The following GRM8 variants were observed in gnomAD, a reference collection of about 807,000 sequenced individuals.
GRM8 encodes metabotropic glutamate receptor 8.
Under a neutral mutation model 87.2 loss-of-function variants are expected in GRM8, and 47 were observed. The observed-to-expected ratio is 0.54, with a 90% CI of 0.43 to 0.69. GRM8 has a LOEUF of 0.69. GRM8 is among the 30% of genes least tolerant of loss of function. The pLI, the probability that GRM8 is intolerant of heterozygous loss-of-function variation, is 0.00. For missense variants in GRM8, 1,019 were observed against 1,139.2 expected, an observed-to-expected ratio of 0.89 and a Z score of 1.52; for synonymous variants, 396 against 404.5, an observed-to-expected ratio of 0.98 and a Z score of 0.25.
intron 9 of GRM8, among the ~76,000 whole-genome samples, chr7:126,507,929 G>T (rs1287903145): frequency 5.9e-5 from 9 of 151,760 alleles, no homozygotes; most frequent in Admixed American, 5.3e-4. Flanking sequence ...TGGGGTCTGG[G>T]TTCTCTCTCT....
chr7:127,008,580 TCAGA>T (rs764167182), intron 3 of GRM8, among the ~76,000 whole-genome samples: 34 of 152,304 alleles, frequency 2.2e-4, no homozygotes, highest in Admixed American at 4.6e-4. Context: ...CAGTGTTTGT[TCAGA>T]CAAACTATTA....
chr7:126,753,165 T>C (rs1343507589), intron 7 of GRM8, among the ~76,000 whole-genome samples: 1 of 152,030 alleles, frequency 6.6e-6, no homozygotes, highest in Non-Finnish European at 1.5e-5. Flanking sequence ...CTAGTCCCAA[T>C]TCCTTGACTA....
At position 127,106,534 on chromosome 7, in the gene GRM8, C is replaced by T; in HGVS notation, c.689G>A (p.Ser230Asn). Reference protein sequence around the residue: ...TLASEGNYGESGVEAFTQISR... With the variant: ...TLASEGNYGENGVEAFTQISR... Reference sequence around the variant, plus strand: ...GATCTGGGTGAAGGCCTCCACACCGCTCTCACCATAGTTCCCCTCAGAAGC... The same window carrying T: ...GATCTGGGTGAAGGCCTCCACACCGTTCTCACCATAGTTCCCCTCAGAAGC... The change falls in exon 3 of 11, where the codon AGC (serine) becomes AAC (asparagine). Residue 230 changes from serine (S) to asparagine (N), a missense_variant. Physicochemically the swap from Ser to Asn is conservative, Grantham distance 46 (BLOSUM62 1). Coordinates refer to ENST00000339582, the MANE Select transcript of GRM8 (RefSeq NM_000845.3). The T allele has an allele frequency of 6.2e-7, 1 of 1,614,064 alleles. No homozygotes were observed. The highest frequency in any genetic ancestry group is 8.5e-7 in the Non-Finnish European group (1 of 1,179,952).
chr7:127,157,877 T>C (rs1792837480), intron 2 of GRM8, among the ~76,000 whole-genome samples: 1 of 152,018 alleles, frequency 6.6e-6, no homozygotes. Flanking sequence ...CCAAAGTGAA[T>C]GCTAAGGGAG....
At chr7:126,924,804 T>C (rs969430490) in intron 3 of GRM8, among the ~76,000 whole-genome samples, 3 of 152,116 alleles carry the variant, frequency 2.0e-5, no homozygotes, top group African/African-American at 7.2e-5. Flanking sequence ...AGAAGTTGAA[T>C]GAGGAAAACG....
At chr7:127,145,292 C>T (rs945050268) in intron 2 of GRM8, among the ~76,000 whole-genome samples, 2 of 152,030 alleles carry the variant, frequency 1.3e-5, no homozygotes, top group African/African-American at 2.4e-5. Flanking sequence ...TAATGTCATT[C>T]GCAAATAAGT....
At chr7:126,708,327 C>CA (rs1563111305) in intron 7 of GRM8, among the ~76,000 whole-genome samples, 1 of 151,780 alleles carries the variant, frequency 6.6e-6, no homozygotes, top group Non-Finnish European at 1.5e-5. Context: ...GGAGGTTTCT[C>CA]AAAAAATTAA....
At chr7:127,142,149 T>A (rs570004550) in intron 2 of GRM8, among the ~76,000 whole-genome samples, 28 of 152,072 alleles carry the variant, frequency 1.8e-4, no homozygotes, top group Non-Finnish European at 2.8e-4. Context: ...AATATTTTTT[T>A]AAAAATTTTG....
intron 8 of GRM8, among the ~76,000 whole-genome samples, chr7:126,563,255 T>G (rs899594595): frequency 1.3e-5 from 2 of 151,962 alleles, no homozygotes; most frequent in Non-Finnish European, 2.9e-5. Context: ...TTAAGTTCTC[T>G]TTTATAATAT....
chr7:126,591,347 C>T (rs770914697), intron 8 of GRM8, among the ~76,000 whole-genome samples: 62 of 152,092 alleles, frequency 4.1e-4, no homozygotes, highest in Non-Finnish European at 7.2e-4. Flanking sequence ...AATATATATA[C>T]ACCTAACACT....
intron 7 of GRM8, among the ~76,000 whole-genome samples, chr7:126,739,023 G>C (rs957766497): frequency 6.6e-6 from 1 of 151,942 alleles, no homozygotes; most frequent in Non-Finnish European, 1.5e-5. Flanking sequence ...TATTGGTACA[G>C]GGAGGAAGAA....
In GRM8 at chr7:127,240,420, A is replaced by G. The variant is rs75724324; in HGVS notation, c.510+2275T>C. Among the ~76,000 whole-genome samples, 434 of 46,760 alleles carry G rather than the reference A, an allele frequency of 9.3e-3. 1 individual carries two copies. The highest frequency in any genetic ancestry group is 0.022 in the African/African-American group (418 of 18,724). The allele number at this position is 46,760 out of a possible 152,430, so 30.7% of individuals were successfully genotyped here. A position where few individuals can be genotyped will look rare whatever the true frequency, so the allele number is the denominator to read the frequency against. On this transcript the variant is annotated intron_variant, in intron 2 of 10. Transcript: ENST00000339582. ...CCCATTTTGCAGATTGGCTGATTCT[A>G]TGGCAAAAAAAAAAAAAAAATGCAA... is the stretch of plus-strand genomic sequence containing the variant.
chr7:126,440,439 C>G (rs952919998), intron 10 of GRM8, among the ~76,000 whole-genome samples: 1 of 136,748 alleles, frequency 7.3e-6, no homozygotes, highest in South Asian at 2.4e-4. Flanking sequence ...AAAAAATTTA[C>G]AGTACTGCCA....
At chr7:126,871,435 AC>A (rs1175102969) in intron 6 of GRM8, among the ~76,000 whole-genome samples, 1 of 152,196 alleles carries the variant, frequency 6.6e-6, no homozygotes, top group African/African-American at 2.4e-5. Context: ...TTTATGAATA[AC>A]CTTGATAAAA....
chr7:126,471,837 T>A (rs1805293873), intron 9 of GRM8, among the ~76,000 whole-genome samples: 1 of 152,168 alleles, frequency 6.6e-6, no homozygotes, highest in South Asian at 2.1e-4. Context: ...GGAATGTTCT[T>A]CCATTTGTTT....
At chr7:126,519,752 C>T (rs1812699953) in intron 9 of GRM8, among the ~76,000 whole-genome samples, 1 of 152,058 alleles carries the variant, frequency 6.6e-6, no homozygotes, top group Non-Finnish European at 1.5e-5. Flanking sequence ...ATCTGGAAGT[C>T]ACTTTCGAGT....
At chr7:127,202,205 G>C (rs909353326) in intron 2 of GRM8, among the ~76,000 whole-genome samples, 1 of 151,094 alleles carries the variant, frequency 6.6e-6, no homozygotes. Context: ...AAAAAAAAAG[G>C]GTCTCACTCT....
chr7:126,769,928 G>A lies in GRM8; in HGVS notation c.1294C>T (p.Pro432Ser), dbSNP rs1382209207. ...DLCPGYIGLCPRMSTIDGKEL... is the reference protein window; with the variant it reads ...DLCPGYIGLCSRMSTIDGKEL... ...TTCCCATCAATGGTACTCATTCGTG[G>A]ACAAAGGCCAATGTATCCAGGGCAG... The change falls in exon 7 of 11, where the codon CCA becomes TCA. Residue 432 changes from proline (P) to serine (S), a missense_variant. Pro to Ser is a moderately conservative substitution (Grantham distance 74, BLOSUM62 -1). Transcript: ENST00000339582. 6.2e-7 allele frequency: 1 copy of A among 1,612,892 alleles called. No individual in the cohort carries two copies. Among genetic ancestry groups the A allele is most frequent in the Non-Finnish European group, 8.5e-7 (1 of 1,179,206 alleles).
intron 2 of GRM8, among the ~76,000 whole-genome samples, chr7:127,231,163 C>T (rs1006521999): frequency 6.6e-6 from 1 of 152,110 alleles, no homozygotes; most frequent in African/African-American, 2.4e-5. Flanking sequence ...ATATCACCTG[C>T]CTACCTGTAT....
Sources: allele counts gnomAD v4.1 joint callset (sites outside exome capture counted in the v4.1 genomes callset), GRCh38; gene constraint gnomAD v4.1.1; transcripts MANE v1.5; gene names NCBI Gene and HGNC (gene_info 2026-07-23, HGNC 2026-07-21).